IQCM: variants seen among roughly 807,000 people sequenced by gnomAD.
The protein encoded by IQCM is IQ motif containing M, also known as IQ domain-containing protein M.
Under a neutral mutation model 57.6 loss-of-function variants are expected in IQCM, and 45 were observed. The observed-to-expected ratio is 0.78, with a 90% CI of 0.62 to 1.00. The LOEUF (loss-of-function observed/expected upper bound fraction) is 1.00. Among genes scored for constraint, IQCM ranks in the 50% least tolerant of loss-of-function variants. The pLI is 0.00. For missense variants in IQCM, 468 were observed against 511.6 expected (o/e 0.91, Z 0.82); for synonymous variants, 148 against 158.9 (o/e 0.93, Z 0.51).
At chr4:149,476,655 G>A (rs374838133) in intron 12 of IQCM, among the ~76,000 whole-genome samples, 24 of 152,190 alleles carry the variant, frequency 1.6e-4, no homozygotes, top group Non-Finnish European at 3.1e-4. Flanking sequence ...GACATCAACC[G>A]AAAGGTAGAG....
At chr4:149,399,081 C>T (rs1732435164) in intron 13 of IQCM, among the ~76,000 whole-genome samples, 2 of 151,992 alleles carry the variant, frequency 1.3e-5, no homozygotes, top group Admixed American at 6.6e-5. Flanking sequence ...CAATCTTTTG[C>T]TGTTACAAAT....
intron 12 of IQCM, among the ~76,000 whole-genome samples, chr4:149,456,296 C>A (rs1737694017): frequency 6.6e-6 from 1 of 152,020 alleles, no homozygotes; most frequent in Non-Finnish European, 1.5e-5. Flanking sequence ...GAGATAGGGA[C>A]ATTCCTTTTC....
intron 2 of IQCM, among the ~76,000 whole-genome samples, chr4:149,755,016 T>C (rs1158373856): frequency 6.6e-6 from 1 of 152,124 alleles, no homozygotes; most frequent in Non-Finnish European, 1.5e-5. Context: ...CATCTTTGGC[T>C]CTTCTCTGTT....
At chr4:149,447,901 A>G (rs1736688575) in intron 12 of IQCM, among the ~76,000 whole-genome samples, 1 of 151,736 alleles carries the variant, frequency 6.6e-6, no homozygotes, top group Non-Finnish European at 1.5e-5. Flanking sequence ...AAGACATTAC[A>G]TACAGAGGAA....
intron 5 of IQCM, among the ~76,000 whole-genome samples, chr4:149,687,290 A>G (rs1478199108): frequency 6.6e-6 from 1 of 151,626 alleles, no homozygotes; most frequent in African/African-American, 2.4e-5. Context: ...ACATTTTTGT[A>G]GAAATGGAAA....
intron 12 of IQCM, among the ~76,000 whole-genome samples, chr4:149,434,021 G>C (rs1299036873): frequency 6.6e-6 from 1 of 151,942 alleles, no homozygotes; most frequent in Non-Finnish European, 1.5e-5. Flanking sequence ...ATATTGCTGT[G>C]ACTGAATTAT....
rs888171590 is a variant in IQCM at position 149,550,559 on chromosome 4, C to A, written c.1094-1970G>T. Reference sequence around the variant, plus strand: ...TGAAACTGTATAATTGATAACAGTGCCCTTAACCTGTATATTATGCCCTAT... The same window carrying A: ...TGAAACTGTATAATTGATAACAGTGACCTTAACCTGTATATTATGCCCTAT... On this transcript the variant is annotated intron_variant, in intron 11 of 13. Coordinates refer to ENST00000636793, the MANE Select transcript of IQCM (RefSeq NM_001363507.2). 3.3e-5 allele frequency among the ~76,000 whole-genome samples: 5 copies of A among 152,048 alleles called. No homozygotes were observed. The East Asian group carries it at 7.7e-4, about 23-fold the overall frequency.
intron 8 of IQCM, among the ~76,000 whole-genome samples, chr4:149,590,179 T>C (rs752810548): frequency 6.6e-6 from 1 of 151,882 alleles, no homozygotes; most frequent in South Asian, 2.1e-4. Flanking sequence ...CCAACTTCAC[T>C]GCCTTTGCAA....
chr4:149,764,721 G>A (rs1041407520), intron 2 of IQCM, among the ~76,000 whole-genome samples: 3 of 152,024 alleles, frequency 2.0e-5, no homozygotes, highest in African/African-American at 7.2e-5. Context: ...TCTAGTGCAG[G>A]AACAGGTACT....
At chr4:149,501,896 G>A (rs1485800725) in intron 12 of IQCM, among the ~76,000 whole-genome samples, 1 of 152,120 alleles carries the variant, frequency 6.6e-6, no homozygotes, top group Non-Finnish European at 1.5e-5. Context: ...ACCAAAAGAA[G>A]ACATCATCTG....
chr4:149,811,906 T>C (rs1023905102), intron 2 of IQCM, among the ~76,000 whole-genome samples: 5 of 152,196 alleles, frequency 3.3e-5, no homozygotes, highest in East Asian at 1.9e-4. Flanking sequence ...CTCTGTAACA[T>C]GCAGAATTTC....
At chr4:149,387,712 C>G (rs1578883397) in intron 13 of IQCM, among the ~76,000 whole-genome samples, 1 of 152,036 alleles carries the variant, frequency 6.6e-6, no homozygotes, top group Admixed American at 6.6e-5. Flanking sequence ...ATAAATTTCA[C>G]TCCTTTAAAG....
At position 149,770,465 on chromosome 4, in the gene IQCM, C is replaced by T. The variant is rs1293904637; in HGVS notation, c.-48-27726G>A. ...TGTGAGGCAAGTATTAAGGCAAAACCAGAGATACATTACAAGAAAAATAAA... is the reference window on the plus strand; with the variant it reads ...TGTGAGGCAAGTATTAAGGCAAAACTAGAGATACATTACAAGAAAAATAAA... On this transcript the variant is annotated intron_variant, in intron 2 of 13. Transcript: ENST00000636793. Among the ~76,000 whole-genome samples, 3 of 151,936 alleles carry T rather than the reference C, an allele frequency of 2.0e-5. No homozygotes were observed. In the East Asian group the frequency reaches 5.8e-4, roughly 29 times the overall value.
intron 5 of IQCM, among the ~76,000 whole-genome samples, chr4:149,690,198 G>T (rs1580006781): frequency 6.6e-6 from 1 of 151,770 alleles, no homozygotes; most frequent in Admixed American, 6.6e-5. Flanking sequence ...AAAGAAACTG[G>T]TGTATGCATG....
chr4:149,636,381 A>G (rs747165462), intron 7 of IQCM, among the ~76,000 whole-genome samples: 5 of 152,130 alleles, frequency 3.3e-5, no homozygotes, highest in Non-Finnish European at 7.4e-5. Context: ...TGACTCTCCT[A>G]CTCTTACGTA....
intron 2 of IQCM, among the ~76,000 whole-genome samples, chr4:149,784,805 T>A (rs576491630): frequency 1.3e-5 from 2 of 152,370 alleles, no homozygotes; most frequent in South Asian, 4.1e-4. Context: ...CACTGCCTAA[T>A]ATGCATTTAT....
intron 2 of IQCM, among the ~76,000 whole-genome samples, chr4:149,792,090 G>A (rs1247621943): frequency 6.6e-6 from 1 of 152,050 alleles, no homozygotes; most frequent in African/African-American, 2.4e-5. Context: ...ATAAGTCTAT[G>A]GAAATTGCAA....
At chr4:149,733,166 A>G (rs1766619106) in intron 5 of IQCM, 78 bp downstream of exon 5, 2 of 1,162,810 alleles carry the variant, frequency 1.7e-6, no homozygotes, top group Non-Finnish European at 2.2e-6. Flanking sequence ...GAAAAAGAAA[A>G]TTCCATTACA....
At chr4:149,385,880 A>G (rs1265532144) in intron 13 of IQCM, among the ~76,000 whole-genome samples, 1 of 152,140 alleles carries the variant, frequency 6.6e-6, no homozygotes, top group East Asian at 1.9e-4. Context: ...AATGCCTATC[A>G]TATACTAAAT....
Sources: allele counts gnomAD v4.1 joint callset (sites outside exome capture counted in the v4.1 genomes callset), GRCh38; gene constraint gnomAD v4.1.1; transcripts MANE v1.5; gene names NCBI Gene and HGNC (gene_info 2026-07-23, HGNC 2026-07-21).